KIAA1958: variants seen among roughly 807,000 people sequenced by gnomAD.
KIAA1958 encodes the protein uncharacterized protein KIAA1958.
A neutral mutation model predicts 47.2 loss-of-function variants in KIAA1958; 14 were observed. That is an observed-to-expected ratio of 0.30 (90% CI 0.20 to 0.46). The LOEUF (loss-of-function observed/expected upper bound fraction) is 0.46. Among genes scored for constraint, KIAA1958 ranks in the 20% least tolerant of loss-of-function variants. KIAA1958 has a pLI of 1.00. For missense variants in KIAA1958, 803 were observed against 909.2 expected, an observed-to-expected ratio of 0.88 and a Z score of 1.50; for synonymous variants, 354 against 353.3, an observed-to-expected ratio of 1.00 and a Z score of -0.02.
intron 2 of KIAA1958, among the ~76,000 whole-genome samples, chr9:112,640,896 T>A (rs529201234): frequency 6.6e-6 from 1 of 152,324 alleles, no homozygotes; most frequent in South Asian, 2.1e-4. Flanking sequence ...ATTTCTTTTA[T>A]TAACCAGTTC....
At position 112,518,315 on chromosome 9, in the gene KIAA1958, A is replaced by G. The variant is rs529169537; in HGVS notation, c.-25+31197A>G. On this transcript the variant is annotated intron_variant, in intron 1 of 3. Transcript: ENST00000337530. ...ATTTGTAAAGCTGGAAACAATCCAA[A>G]TATCTATTAGCAAGTGAATGGATAA... Among the ~76,000 whole-genome samples, 53 of 152,276 alleles carry G rather than the reference A, an allele frequency of 3.5e-4. 3 individuals are homozygous for G. Among genetic ancestry groups the G allele is most frequent in the South Asian group, 4.1e-4 (2 of 4,834 alleles).
At chr9:112,586,283 C>G (rs1287150396) in intron 2 of KIAA1958, among the ~76,000 whole-genome samples, 2 of 152,122 alleles carry the variant, frequency 1.3e-5, no homozygotes, top group African/African-American at 4.8e-5. Context: ...CTAACCCATT[C>G]CATGTCATAA....
At chr9:112,595,868 G>A (rs1008243360) in intron 2 of KIAA1958, among the ~76,000 whole-genome samples, 2 of 150,890 alleles carry the variant, frequency 1.3e-5, no homozygotes, top group Non-Finnish European at 1.5e-5. Flanking sequence ...TCACCGCAAC[G>A]TCCGCCTCCC....
At chr9:112,524,467 T>TACATATAACATAA (rs1834606922) in intron 1 of KIAA1958, among the ~76,000 whole-genome samples, 2 of 152,186 alleles carry the variant, frequency 1.3e-5, no homozygotes, top group African/African-American at 4.8e-5. Context: ...TGTAGTAAAA[T>TACATATAACATAA]ACATATAACA....
rs1442784915 is a variant in KIAA1958 at position 112,618,932 on chromosome 9, A to C, written c.1172-26718A>C. ...CACCGCTTGACCAGGTGGCTTGAGC[A>C]AGACTCCAGTTTGGTTACTGTGTCC... On this transcript the variant is annotated intron_variant, in intron 2 of 3. Coordinates refer to ENST00000337530, the MANE Select transcript of KIAA1958 (RefSeq NM_133465.4). This position sits in a 1 kb window ranked among gnomAD's most constrained non-coding sequence, Gnocchi z 7.1. 1 of 1,506,540 alleles carries C rather than the reference A, an allele frequency of 6.6e-7. No individual in the cohort carries two copies. The highest frequency in any genetic ancestry group is 8.9e-7 in the Non-Finnish European group (1 of 1,117,876). 93.3% of individuals were successfully genotyped at this position (1,506,540 alleles called of 1,614,324 possible). A position where few individuals can be genotyped will look rare whatever the true frequency, so the allele number is the denominator to read the frequency against.
rs1309826671 is a variant in KIAA1958 at position 112,618,495 on chromosome 9, G to T, written c.1172-27155G>T. ...GACTTGAATGCCAAAACCAAGAGAG[G>T]GGGGACAGACTCCCGTGTGTATGCC... On this transcript the variant is annotated intron_variant, in intron 2 of 3. Transcript: ENST00000337530. The surrounding 1 kb of genome is among the most constrained non-coding windows in gnomAD (Gnocchi z 7.1). The T allele has an allele frequency of 3.9e-6, 6 of 1,550,610 alleles. No individual in the cohort carries two copies. The African/African-American group carries it at 4.1e-5, about 11-fold the overall frequency.
At chr9:112,512,928 T>A (rs1834346137) in intron 1 of KIAA1958, among the ~76,000 whole-genome samples, 1 of 151,774 alleles carries the variant, frequency 6.6e-6, no homozygotes, top group Non-Finnish European at 1.5e-5. Context: ...ACTTCTGCCT[T>A]CCAGATTCAA....
chr9:112,614,074 G>A (rs1399757032), intron 2 of KIAA1958, among the ~76,000 whole-genome samples: 1 of 152,194 alleles, frequency 6.6e-6, no homozygotes, highest in Non-Finnish European at 1.5e-5. Context: ...ATGTTGTGCA[G>A]CAATGAGGAT....
rs1190577420 is a variant in KIAA1958, at chr9:112,660,511, A to G, written c.*442A>G. 6.1e-6 allele frequency: 1 copy of G among 162,708 alleles called. No homozygotes were observed. The highest frequency in any genetic ancestry group is 2.4e-5 in the African/African-American group (1 of 41,646). 10.1% of individuals were successfully genotyped at this position (162,708 alleles called of 1,614,324 possible). A position where few individuals can be genotyped will look rare whatever the true frequency, so the allele number is the denominator to read the frequency against. On this transcript the variant is annotated 3_prime_UTR_variant, in exon 4 of 4. Coordinates refer to ENST00000337530, the MANE Select transcript of KIAA1958 (RefSeq NM_133465.4). The stretch of plus-strand genomic sequence containing the variant: ...TGAATTACACTCACAATTAGAAACT[A>G]GAGAGAGGCAGACACGTTCCCTATT...
At chr9:112,651,539 T>C (rs1250924976) in intron 3 of KIAA1958, among the ~76,000 whole-genome samples, 1 of 151,700 alleles carries the variant, frequency 6.6e-6, no homozygotes, top group Admixed American at 6.6e-5. Context: ...GGATTACAGG[T>C]GCCTGCCACC....
chr9:112,591,935 G>A (rs536978780), intron 2 of KIAA1958, among the ~76,000 whole-genome samples: 6 of 152,156 alleles, frequency 3.9e-5, no homozygotes, highest in Non-Finnish European at 7.4e-5. Flanking sequence ...GTGATCTCAC[G>A]CTTGGACAAG....
chr9:112,531,941 G>A (rs944963755), intron 1 of KIAA1958, among the ~76,000 whole-genome samples: 1 of 152,228 alleles, frequency 6.6e-6, no homozygotes, highest in Non-Finnish European at 1.5e-5. Context: ...AGCAAAGCTT[G>A]TGCACTGGAA....
chr9:112,642,225 A>G (rs1466158854), intron 2 of KIAA1958, among the ~76,000 whole-genome samples: 1 of 152,222 alleles, frequency 6.6e-6, no homozygotes, highest in Non-Finnish European at 1.5e-5. Flanking sequence ...GTGGACTTCA[A>G]GCAGCTATGA....
chr9:112,494,806 A>T (rs1170888795), intron 1 of KIAA1958, among the ~76,000 whole-genome samples: 1 of 151,062 alleles, frequency 6.6e-6, no homozygotes, highest in Non-Finnish European at 1.5e-5. Context: ...TTTAGTTTTC[A>T]CTTCCTTTCT....
rs1836441027 is a variant in KIAA1958 at position 112,618,323 on chromosome 9, T to C, written c.1172-27327T>C. The C allele has an allele frequency of 3.2e-6, 5 of 1,551,126 alleles. No individual in the cohort carries two copies. Among genetic ancestry groups the C allele is most frequent in the Non-Finnish European group, 4.4e-6 (5 of 1,147,130 alleles). On this transcript the variant is annotated intron_variant, in intron 2 of 3. Coordinates refer to ENST00000337530, the MANE Select transcript of KIAA1958 (RefSeq NM_133465.4). This position sits in a 1 kb window ranked among gnomAD's most constrained non-coding sequence, Gnocchi z 7.1. Reference sequence around the variant, plus strand: ...GCTAAGCCGATATAACCCCGAGGGTTTGCTCAACCTAGTCTGGCTCAACAA... The same window carrying C: ...GCTAAGCCGATATAACCCCGAGGGTCTGCTCAACCTAGTCTGGCTCAACAA...
intron 2 of KIAA1958, among the ~76,000 whole-genome samples, chr9:112,624,175 TGAA>T (rs1441774248): frequency 8.5e-5 from 13 of 152,334 alleles, no homozygotes; most frequent in African/African-American, 3.1e-4. Context: ...TTACAAGTAC[TGAA>T]AGAATTAGCA....
chr9:112,501,889 G>T (rs1258132393), intron 1 of KIAA1958, among the ~76,000 whole-genome samples: 1 of 152,272 alleles, frequency 6.6e-6, no homozygotes, highest in South Asian at 2.1e-4. Flanking sequence ...TGATGTCTTT[G>T]TGACATTGTA....
intron 1 of KIAA1958, among the ~76,000 whole-genome samples, chr9:112,572,981 C>A (rs1835565025): frequency 6.6e-6 from 1 of 152,178 alleles, no homozygotes; most frequent in African/African-American, 2.4e-5. Flanking sequence ...TTGTCACCCA[C>A]AGCTGCAGAT....
At chr9:112,504,151 T>C (rs1273558133) in intron 1 of KIAA1958, among the ~76,000 whole-genome samples, 1 of 151,986 alleles carries the variant, frequency 6.6e-6, no homozygotes, top group African/African-American at 2.4e-5. Flanking sequence ...TGTATTAATC[T>C]TTCAGGGTTT....
Sources: gnomAD v4.1 joint callset for allele counts (sites outside exome capture counted in the v4.1 genomes callset) on GRCh38, gnomAD v4.1.1 for gene constraint, Gnocchi (gnomAD v3.1) non-coding constraint, MANE v1.5 for transcripts, NCBI Gene and HGNC (gene_info 2026-07-23, HGNC 2026-07-21) for gene names.